ZNF831: variants seen among roughly 807,000 people sequenced by gnomAD.
ZNF831 encodes the protein zinc finger protein 831.
In ZNF831, 59 loss-of-function variants were observed where a neutral mutation model predicts 95.8. The ratio of observed to expected loss-of-function variants is 0.62; its 90% CI spans 0.50 to 0.77. The LOEUF is 0.77. Ranked by LOEUF, ZNF831 falls within the 30% of genes least tolerant of loss-of-function variation. The pLI is 0.00. For synonymous variants in ZNF831, 961 were observed against 925.5 expected (o/e 1.04, Z -0.70); for missense variants, 2,205 against 2,164.0 (o/e 1.02, Z -0.38).
At chr20:59,235,422 C>A (rs971942368) in intron 4 of ZNF831, among the ~76,000 whole-genome samples, 19 of 152,248 alleles carry the variant, frequency 1.2e-4, no homozygotes, top group African/African-American at 4.6e-4. Flanking sequence ...CCCCTGCCCC[C>A]AGGAGTTTCC....
intron 1 of ZNF831, among the ~76,000 whole-genome samples, chr20:59,167,962 A>G (rs2146487667): frequency 6.6e-6 from 1 of 152,082 alleles, no homozygotes; most frequent in Admixed American, 6.6e-5. Flanking sequence ...GTCTGTGTCT[A>G]TTCTGACAAT....
In ZNF831 at chr20:59,194,248, C is replaced by A. The variant is rs200262179; in HGVS notation, c.3229C>A (p.Arg1077Ser). The stretch of plus-strand genomic sequence containing the variant: ...GGAGGGTGACAGCCACCGTATCCAT[C>A]GCCTCTGCATGGGCAGCACTTTGGC... ...DMEGDSHRIH[R>S]LCMGSTLARA... is the part of the protein sequence containing the mutation. The change falls in exon 2 of 6, where the codon CGC (arginine) becomes AGC (serine). Residue 1077 changes from arginine (R) to serine (S), a missense_variant. By Grantham distance (110) the Arg-to-Ser change is moderately radical. Transcript: ENST00000371030. 1 of 1,614,012 alleles carries A rather than the reference C, an allele frequency of 6.2e-7. No homozygotes were observed. Among genetic ancestry groups the A allele is most frequent in the South Asian group, 1.1e-5 (1 of 91,088 alleles).
At chr20:59,167,943 T>C (rs1424623667) in intron 1 of ZNF831, among the ~76,000 whole-genome samples, 5 of 152,212 alleles carry the variant, frequency 3.3e-5, no homozygotes, top group Admixed American at 3.3e-4. Context: ...ATTATTTTGT[T>C]CTACTCATGT....
chr20:59,217,125 G>A lies in ZNF831; in HGVS notation c.4027+10069G>A, dbSNP rs1457831634. On this transcript the variant is annotated intron_variant, in intron 4 of 5. Transcript: ENST00000371030. The surrounding 1 kb of genome is among the most constrained non-coding windows in gnomAD (Gnocchi z 4.4). ...AATACCATCCTCAGGTAAAATGACA[G>A]TTTGGAGTCTGGAGTACATCTGACA... is the stretch of plus-strand genomic sequence containing the variant. 2.6e-5 allele frequency among the ~76,000 whole-genome samples: 4 copies of A among 151,914 alleles called. No individual in the cohort carries two copies. The highest frequency in any genetic ancestry group is 4.4e-5 in the Non-Finnish European group (3 of 68,022).
At chr20:59,186,987 T>C (rs139671633) in intron 1 of ZNF831, among the ~76,000 whole-genome samples, 1 of 151,282 alleles carries the variant, frequency 6.6e-6, no homozygotes, top group Non-Finnish European at 1.5e-5. Flanking sequence ...CTGATTTTTG[T>C]GGTGTCAGTG....
intron 1 of ZNF831, among the ~76,000 whole-genome samples, chr20:59,172,213 G>A (rs1363495784): frequency 6.6e-6 from 1 of 152,150 alleles, no homozygotes; most frequent in African/African-American, 2.4e-5. Flanking sequence ...TTCCCTCCGA[G>A]GGACAACGTG....
At chr20:59,149,989 T>C (rs1980132194) in intron 2 of ZNF831, among the ~76,000 whole-genome samples, 1 of 152,240 alleles carries the variant, frequency 6.6e-6, no homozygotes, top group African/African-American at 2.4e-5. Context: ...CCTTTTCCTC[T>C]GTGACCTGCT....
chr20:59,227,446 C>A (rs900124859), intron 4 of ZNF831, among the ~76,000 whole-genome samples: 1 of 152,148 alleles, frequency 6.6e-6, no homozygotes, highest in African/African-American at 2.4e-5. Flanking sequence ...TCAGATGTAA[C>A]ATTTGGAAAG....
chr20:59,238,080 CCAA>C (rs1265806482), intron 4 of ZNF831, among the ~76,000 whole-genome samples: 1 of 152,194 alleles, frequency 6.6e-6, no homozygotes, highest in African/African-American at 2.4e-5. Flanking sequence ...ATTTTATCTG[CCAA>C]CCCTTCCCTA....
chr20:59,141,131 C>G (rs893995774), intron 1 of ZNF831, among the ~76,000 whole-genome samples: 1 of 152,204 alleles, frequency 6.6e-6, no homozygotes, highest in Non-Finnish European at 1.5e-5. Context: ...AACTCCTGAC[C>G]TCAAATAATC....
intron 4 of ZNF831, among the ~76,000 whole-genome samples, chr20:59,226,157 A>G (rs556816815): frequency 3.9e-4 from 60 of 152,354 alleles, no homozygotes; most frequent in Admixed American, 6.5e-4. Flanking sequence ...AGGAGTGGTC[A>G]TAAGTCACCC....
chr20:59,158,085 C>T (rs1199248697), intron 2 of ZNF831, among the ~76,000 whole-genome samples: 2 of 152,218 alleles, frequency 1.3e-5, no homozygotes, highest in East Asian at 3.9e-4. Context: ...GCTCAGGAGC[C>T]ACATCACATC....
At chr20:59,211,779 T>TTGTGTGTGTGTGTGTGTGTGTGTGTGTG (rs11472424) in intron 4 of ZNF831, among the ~76,000 whole-genome samples, 7 of 146,694 alleles carry the variant, frequency 4.8e-5, no homozygotes, top group African/African-American at 1.8e-4. Context: ...GGAGCTGACC[T>TTGTGTGTGTGTGTGTGTGTGTGTGTGTG]TGTGTGTGTG....
In ZNF831 at chr20:59,193,293, G is replaced by A. The variant is rs2146580611; in HGVS notation, c.2274G>A (p.Gly758=). ...CTCCAAATGGGAGGCTGGAACTGGG[G>A]TGGCAGATGCCCCCAGCACCTGGCC... ...LVSPNGRLEL[G]WQMPPAPGPL... The change falls in exon 2 of 6, where the codon GGG becomes GGA. Residue 758 remains glycine (G), a synonymous_variant. Coordinates refer to ENST00000371030, the MANE Select transcript of ZNF831 (RefSeq NM_178457.3). The A allele has an allele frequency of 1.2e-6, 2 of 1,611,496 alleles. No homozygotes were observed. The highest frequency in any genetic ancestry group is 1.7e-6 in the Non-Finnish European group (2 of 1,178,936).
At chr20:59,231,527 G>A (rs1271677854) in intron 4 of ZNF831, among the ~76,000 whole-genome samples, 1 of 152,174 alleles carries the variant, frequency 6.6e-6, no homozygotes, top group Non-Finnish European at 1.5e-5. Context: ...AAAAAAAAAT[G>A]ACAGACTTTT....
chr20:59,234,052 G>A (rs969222534), intron 4 of ZNF831, among the ~76,000 whole-genome samples: 2 of 152,184 alleles, frequency 1.3e-5, no homozygotes, highest in African/African-American at 4.8e-5. Context: ...AAGAAGAGAA[G>A]TCAGCCAGGG....
chr20:59,216,195 C>T (rs1985669944), intron 4 of ZNF831, among the ~76,000 whole-genome samples: 1 of 152,162 alleles, frequency 6.6e-6, no homozygotes, highest in Non-Finnish European at 1.5e-5. Flanking sequence ...TCAGTAGGAT[C>T]CTCATTGGCT....
intron 4 of ZNF831, among the ~76,000 whole-genome samples, chr20:59,222,175 T>G (rs553659170): frequency 1.3e-5 from 2 of 152,232 alleles, no homozygotes; most frequent in African/African-American, 4.8e-5. Flanking sequence ...CCCACGGGCA[T>G]GGCAGGAAGC....
rs1178999943 is a variant in ZNF831 at position 59,192,301 on chromosome 20, C to T, written c.1282C>T (p.Arg428Trp). The T allele has an allele frequency of 1.3e-6, 2 of 1,589,616 alleles. No homozygotes were observed. Among genetic ancestry groups the T allele is most frequent in the African/African-American group, 1.3e-5 (1 of 74,308 alleles). Reference sequence around the variant, plus strand: ...GGACGATGCCCAGCTGGACAACGTGCGGCCCCGGAAGACCGGGCTGTCCAA... The same window carrying T: ...GGACGATGCCCAGCTGGACAACGTGTGGCCCCGGAAGACCGGGCTGTCCAA... Reference protein sequence around the residue: ...VVDDAQLDNVRPRKTGLSKQG... With the variant: ...VVDDAQLDNVWPRKTGLSKQG... The change falls in exon 2 of 6, where the codon CGG (arginine) becomes TGG (tryptophan). Residue 428 changes from arginine to tryptophan, a missense_variant. Transcript: ENST00000371030. The surrounding 1 kb of genome is among the most constrained non-coding windows in gnomAD (Gnocchi z 5.2).
Sources: allele counts gnomAD v4.1 joint callset (sites outside exome capture counted in the v4.1 genomes callset), GRCh38; gene constraint gnomAD v4.1.1; non-coding constraint Gnocchi (gnomAD v3.1); transcripts MANE v1.5; gene names NCBI Gene and HGNC (gene_info 2026-07-23, HGNC 2026-07-21).